The following PHF20 variants were observed in gnomAD, a reference collection of about 807,000 sequenced individuals.
PHF20 encodes the protein PHD finger protein 20.
A neutral mutation model predicts 113.5 loss-of-function variants in PHF20; 23 were observed. That is an observed-to-expected ratio of 0.20 (90% CI 0.15 to 0.29). PHF20 has a LOEUF of 0.29. PHF20 is among the 10% of genes least tolerant of loss of function. PHF20 has a pLI of 1.00. For synonymous variants in PHF20, 434 were observed against 457.3 expected (o/e 0.95, Z 0.65); for missense variants, 943 against 1,219.6 (o/e 0.77, Z 3.38).
chr20:35,857,061 C>T (rs369784939), intron 4 of PHF20, among the ~76,000 whole-genome samples: 16 of 152,022 alleles, frequency 1.1e-4, no homozygotes, highest in African/African-American at 2.4e-4. Context: ...TTGCATTCTT[C>T]GGCTCCCAGG....
intron 2 of PHF20, among the ~76,000 whole-genome samples, chr20:35,812,687 T>G (rs547222574): frequency 6.6e-6 from 1 of 152,288 alleles, no homozygotes; most frequent in South Asian, 2.1e-4. Context: ...TAAAGCTAGG[T>G]CGTCCCACTG....
At chr20:35,805,023 T>C (rs2041855340) in intron 2 of PHF20, among the ~76,000 whole-genome samples, 1 of 151,926 alleles carries the variant, frequency 6.6e-6, no homozygotes, top group Non-Finnish European at 1.5e-5. Context: ...TGCCTCAGCC[T>C]CCTGAGTATG....
At chr20:35,889,276 C>T (rs916986157) in intron 9 of PHF20, among the ~76,000 whole-genome samples, 6 of 152,144 alleles carry the variant, frequency 3.9e-5, no homozygotes, top group South Asian at 4.2e-4. Flanking sequence ...GTCCTCCCAA[C>T]GTGCTGAGAT....
At chr20:35,863,795 A>T (rs1044263029) in intron 6 of PHF20, among the ~76,000 whole-genome samples, 1 of 152,216 alleles carries the variant, frequency 6.6e-6, no homozygotes, top group African/African-American at 2.4e-5. Flanking sequence ...AATAGTAAAA[A>T]GGTATGGGCT....
chr20:35,940,517 G>A (rs867039281), intron 16 of PHF20, among the ~76,000 whole-genome samples: 15 of 151,782 alleles, frequency 9.9e-5, no homozygotes, highest in African/African-American at 2.9e-4. Flanking sequence ...CTTGAAACGC[G>A]TTGGTGTGAC....
intron 2 of PHF20, among the ~76,000 whole-genome samples, chr20:35,827,662 T>TCA (rs955772792): frequency 1.3e-5 from 2 of 151,674 alleles, no homozygotes; most frequent in Non-Finnish European, 2.9e-5. Context: ...CGGGTGCCTG[T>TCA]AGTCCAGCTA....
At chr20:35,834,799 A>G (rs569255412) in intron 2 of PHF20, among the ~76,000 whole-genome samples, 1 of 152,322 alleles carries the variant, frequency 6.6e-6, no homozygotes, top group South Asian at 2.1e-4. Flanking sequence ...CCTGCCCTGT[A>G]AAGTGCTTAG....
chr20:35,852,923 T>C (rs1185526531), intron 4 of PHF20, among the ~76,000 whole-genome samples: 3 of 151,144 alleles, frequency 2.0e-5, no homozygotes, highest in African/African-American at 7.3e-5. Context: ...CCTTTTTTTT[T>C]TTTTCTAAAA....
chr20:35,913,950 G>C, intron 11 of PHF20, 83 bp from the exon 12 acceptor site: 1 of 1,355,540 alleles, frequency 7.4e-7, no homozygotes. Flanking sequence ...TGAAAAGGAG[G>C]CTTGTTGGTT....
chr20:35,852,447 A>T (rs2042749746), intron 4 of PHF20, among the ~76,000 whole-genome samples: 1 of 152,116 alleles, frequency 6.6e-6, no homozygotes, highest in Non-Finnish European at 1.5e-5. Flanking sequence ...TCAAAGAGGG[A>T]GTGGGAATAG....
At chr20:35,804,420 TAGAG>T (rs1395395899) in intron 2 of PHF20, among the ~76,000 whole-genome samples, 15 of 151,952 alleles carry the variant, frequency 9.9e-5, no homozygotes, top group South Asian at 4.2e-4. Flanking sequence ...ATTTTTTTAG[TAGAG>T]ACGGGGTTTC....
At chr20:35,796,519 A>G (rs1334354825) in intron 1 of PHF20, among the ~76,000 whole-genome samples, 1 of 152,196 alleles carries the variant, frequency 6.6e-6, no homozygotes, top group Non-Finnish European at 1.5e-5. Flanking sequence ...AGGTATAAAA[A>G]GATGGCCATG....
Position 35,948,635 on chromosome 20 carries a change from A to C in PHF20, c.*1008A>C, listed in dbSNP as rs1226757812. On this transcript the variant is annotated 3_prime_UTR_variant, in exon 18 of 18. Coordinates refer to ENST00000374012, the MANE Select transcript of PHF20 (RefSeq NM_016436.5). Reference sequence around the variant, plus strand: ...TTAACATTTTACATTTCCTGTTTGTATTATTTTGTGAGAGCAAGGTGATCA... The same window carrying C: ...TTAACATTTTACATTTCCTGTTTGTCTTATTTTGTGAGAGCAAGGTGATCA... The C allele has an allele frequency of 2.0e-5, 3 of 152,574 alleles. No individual in the cohort carries two copies. The highest frequency in any genetic ancestry group is 4.4e-5 in the Non-Finnish European group (3 of 68,034). 9.5% of individuals were successfully genotyped at this position (152,574 alleles called of 1,614,324 possible).
chr20:35,838,267 T>G (rs921339106), intron 2 of PHF20: 3 of 152,212 alleles, frequency 2.0e-5, no homozygotes, highest in African/African-American at 7.2e-5. Context: ...TATGTACTTT[T>G]AATAGTTAAT....
At chr20:35,847,515 T>C in intron 4 of PHF20, 81 bp downstream of exon 4, 1 of 867,334 alleles carries the variant, frequency 1.2e-6, no homozygotes, top group Non-Finnish European at 1.9e-6. Flanking sequence ...AGCTTGATAG[T>C]ATATTTTCAG....
intron 17 of PHF20, among the ~76,000 whole-genome samples, chr20:35,943,524 G>A (rs889172457): frequency 6.8e-6 from 1 of 147,304 alleles, no homozygotes; most frequent in East Asian, 2.0e-4. Context: ...AGCCTAGTAA[G>A]CTATTATATG....
chr20:35,834,382 G>A (rs2042405539), intron 2 of PHF20, among the ~76,000 whole-genome samples: 1 of 151,292 alleles, frequency 6.6e-6, no homozygotes, highest in African/African-American at 2.4e-5. Flanking sequence ...CTCTCGAGTA[G>A]CTGGGATTAT....
At chr20:35,830,396 G>C (rs1348261572) in intron 2 of PHF20, among the ~76,000 whole-genome samples, 1 of 152,168 alleles carries the variant, frequency 6.6e-6, no homozygotes, top group African/African-American at 2.4e-5. Context: ...CTTAGCATAA[G>C]TCCTCAAGGT....
rs1333220432 is a variant in PHF20, at chr20:35,948,483, T to C, written c.*856T>C. The C allele has an allele frequency of 1.3e-5, 2 of 152,662 alleles. No homozygotes were observed. The highest frequency in any genetic ancestry group is 3.8e-4 in the East Asian group (2 of 5,208). 9.5% of individuals were successfully genotyped at this position (152,662 alleles called of 1,614,324 possible). On this transcript the variant is annotated 3_prime_UTR_variant, in exon 18 of 18. Coordinates refer to ENST00000374012, the MANE Select transcript of PHF20 (RefSeq NM_016436.5). Reference sequence around the variant, plus strand: ...CACTGTAAAGATTTGTTACAAAGAATGTGGTTTGGGGAATTACCTTATTTT... The same window carrying C: ...CACTGTAAAGATTTGTTACAAAGAACGTGGTTTGGGGAATTACCTTATTTT...
Sources: gnomAD v4.1 joint callset for allele counts (sites outside exome capture counted in the v4.1 genomes callset) on GRCh38, gnomAD v4.1.1 for gene constraint, MANE v1.5 for transcripts, NCBI Gene and HGNC (gene_info 2026-07-23, HGNC 2026-07-21) for gene names.